TMTC3: variants seen among roughly 807,000 people sequenced by gnomAD.
TMTC3 encodes the protein protein O-mannosyl-transferase TMTC3.
A neutral mutation model predicts 92.2 loss-of-function variants in TMTC3; 52 were observed. The ratio of observed to expected loss-of-function variants is 0.56; its 90% CI spans 0.45 to 0.71. The LOEUF is 0.71. TMTC3 is among the 30% of genes least tolerant of loss of function. TMTC3 has a pLI of 0.00. For missense variants in TMTC3, 896 were observed against 1,057.1 expected (o/e 0.85, Z 2.11); for synonymous variants, 339 against 363.3 (o/e 0.93, Z 0.76).
chr12:88,159,173 A>G (rs2041046442), intron 4 of TMTC3, among the ~76,000 whole-genome samples: 2 of 152,158 alleles, frequency 1.3e-5, no homozygotes, highest in Non-Finnish European at 2.9e-5. Context: ...AAGAAAACTG[A>G]AGCCTGGAAA....
intron 10 of TMTC3, among the ~76,000 whole-genome samples, chr12:88,179,652 G>T (rs376874518): frequency 1.1e-4 from 16 of 152,074 alleles, no homozygotes; most frequent in African/African-American, 3.9e-4. Flanking sequence ...TGACAGTGTG[G>T]CTAGGAGACT....
At chr12:88,143,537 A>T (rs1011997767) in intron 1 of TMTC3, among the ~76,000 whole-genome samples, 6 of 152,224 alleles carry the variant, frequency 3.9e-5, no homozygotes, top group African/African-American at 1.4e-4. Flanking sequence ...TGGCTGGAGG[A>T]CATATTCTTA....
intron 7 of TMTC3, among the ~76,000 whole-genome samples, chr12:88,170,092 T>C (rs1017294121): frequency 6.6e-6 from 1 of 152,200 alleles, no homozygotes; most frequent in Non-Finnish European, 1.5e-5. Flanking sequence ...TTTATGCTAC[T>C]GGAAGAAGGA....
At chr12:88,154,177 A>G (rs1215574254) in intron 3 of TMTC3, 111 bp from the exon 4 acceptor site, 2 of 746,358 alleles carry the variant, frequency 2.7e-6, no homozygotes, top group East Asian at 2.9e-5. Flanking sequence ...TGTTTAAGAA[A>G]CAAATGTGCA....
chr12:88,160,016 C>T, intron 4 of TMTC3, 98 bp from the exon 5 acceptor site: 1 of 692,920 alleles, frequency 1.4e-6, no homozygotes, highest in South Asian at 2.2e-5. Flanking sequence ...TGAGAAATAG[C>T]ACTCATATGG....
At chr12:88,167,202 C>A (rs1036042070) in intron 7 of TMTC3, among the ~76,000 whole-genome samples, 1 of 151,926 alleles carries the variant, frequency 6.6e-6, no homozygotes, top group Non-Finnish European at 1.5e-5. Context: ...TGAGACCAGC[C>A]TGGTCAACCT....
At chr12:88,184,504 A>G (rs375700134) in intron 10 of TMTC3, among the ~76,000 whole-genome samples, 19 of 152,164 alleles carry the variant, frequency 1.2e-4, no homozygotes, top group African/African-American at 4.6e-4. Flanking sequence ...ACTTTTTCTT[A>G]CAACTTTTCC....
At chr12:88,173,850 A>G (rs1339146223) in intron 8 of TMTC3, among the ~76,000 whole-genome samples, 2 of 152,126 alleles carry the variant, frequency 1.3e-5, no homozygotes, top group Non-Finnish European at 2.9e-5. Flanking sequence ...TAGGTTATCC[A>G]AGATCACACA....
At chr12:88,187,300 T>A (rs905694833) in intron 10 of TMTC3, among the ~76,000 whole-genome samples, 1 of 152,206 alleles carries the variant, frequency 6.6e-6, no homozygotes, top group Non-Finnish European at 1.5e-5. Flanking sequence ...CTAATCACTA[T>A]ACTGCATATT....
intron 10 of TMTC3, among the ~76,000 whole-genome samples, chr12:88,181,900 G>T (rs1177081971): frequency 6.6e-6 from 1 of 151,794 alleles, no homozygotes; most frequent in Non-Finnish European, 1.5e-5. Flanking sequence ...GGGTATGGGG[G>T]AGTGAACTAC....
chr12:88,188,171 C>A (rs993910599), intron 10 of TMTC3, among the ~76,000 whole-genome samples: 1 of 152,054 alleles, frequency 6.6e-6, no homozygotes, highest in African/African-American at 2.4e-5. Context: ...TCATTATGTT[C>A]CATTATACTC....
intron 9 of TMTC3, among the ~76,000 whole-genome samples, chr12:88,175,802 A>G (rs1033416902): frequency 1.3e-5 from 2 of 152,208 alleles, no homozygotes; most frequent in African/African-American, 4.8e-5. Flanking sequence ...CAGGTTTTCC[A>G]TTACCATAAT....
chr12:88,195,280 A>G lies in TMTC3; in HGVS notation c.2376A>G (p.Arg792=), dbSNP rs905598447. 1.2e-6 allele frequency: 2 copies of G among 1,613,880 alleles called. No individual in the cohort carries two copies. The highest frequency in any genetic ancestry group is 1.3e-5 in the African/African-American group (1 of 75,038). ...FEEKDLLKAE[R]CLLETLALAP... is the part of the protein sequence containing the mutation. ...AAAAAGACTTATTAAAAGCTGAAAGATGCCTTCTTGAAACACTGGCATTAG... is the reference window on the plus strand; with the variant it reads ...AAAAAGACTTATTAAAAGCTGAAAGGTGCCTTCTTGAAACACTGGCATTAG... Residue 792 remains arginine, a synonymous_variant, in exon 14 of 14, where the codon AGA becomes AGG. Transcript: ENST00000266712.
chr12:88,173,521 G>A (rs1369051967), intron 8 of TMTC3, among the ~76,000 whole-genome samples: 3 of 151,944 alleles, frequency 2.0e-5, no homozygotes, highest in East Asian at 3.9e-4. Flanking sequence ...TATTTCCCTA[G>A]TGTCTGTAAA....
intron 10 of TMTC3, among the ~76,000 whole-genome samples, chr12:88,187,838 C>T (rs1005068118): frequency 2.6e-5 from 4 of 152,116 alleles, no homozygotes; most frequent in Non-Finnish European, 5.9e-5. Flanking sequence ...TATTTTAGTT[C>T]GTGTTGAGTA....
Position 88,174,721 on chromosome 12 carries a change from C to G in TMTC3, c.1314C>G (p.Ala438=), listed in dbSNP as rs940624505. 6 of 1,611,654 alleles carry G rather than the reference C, an allele frequency of 3.7e-6. No individual in the cohort carries two copies. In the Admixed American group the frequency reaches 1.0e-4, roughly 27 times the overall value. Reference sequence around the variant, plus strand: ...CTGAATATACATTGTTTATGTCAGCCTTGAAGGTAAAGTGTTGTTCAGAAT... The same window carrying G: ...CTGAATATACATTGTTTATGTCAGCGTTGAAGGTAAAGTGTTGTTCAGAAT... ...WESEYTLFMS[A]LKVNKNNAKL... The change falls in exon 9 of 14, where the codon GCC becomes GCG. Residue 438 remains alanine (A), a synonymous_variant. Coordinates refer to ENST00000266712, the MANE Select transcript of TMTC3 (RefSeq NM_181783.4).
chr12:88,160,839 C>G lies in TMTC3; in HGVS notation c.785C>G (p.Pro262Arg). The change falls in exon 6 of 14, where the codon CCA becomes CGA. Residue 262 changes from proline (P) to arginine (R), a missense_variant. Transcript: ENST00000266712. ...GTCCAGGTTATTCAATCCCAACTTC[C>G]AGTATTCACCAGGTATGAAATTCTG... The part of the protein sequence containing the change: ...IRVQVIQSQL[P>R]VFTRFDNPAA... 6.3e-7 allele frequency: 1 copy of G among 1,596,634 alleles called. No homozygotes were observed. Among genetic ancestry groups the G allele is most frequent in the Non-Finnish European group, 8.5e-7 (1 of 1,172,584 alleles).
intron 1 of TMTC3, among the ~76,000 whole-genome samples, chr12:88,142,951 A>G (rs918179741): frequency 7.2e-5 from 11 of 152,068 alleles, no homozygotes; most frequent in African/African-American, 2.7e-4. Context: ...CACCTGTACT[A>G]TTGTTGCCAC....
rs769206632 is a variant in TMTC3 at position 88,160,781 on chromosome 12, A to C, written c.727A>C (p.Met243Leu). 6.2e-7 allele frequency: 1 copy of C among 1,613,480 alleles called. No individual in the cohort carries two copies. Among genetic ancestry groups the C allele is most frequent in the African/African-American group, 1.3e-5 (1 of 74,890 alleles). ...LQTLVKLIVLMFSTLLLVVIR... is the reference protein window; with the variant it reads ...LQTLVKLIVLLFSTLLLVVIR... ...GACACTAGTAAAACTCATTGTCTTG[A>C]TGTTCAGTACATTATTACTTGTTGT... Residue 243 changes from methionine (M) to leucine (L), a missense_variant, in exon 6 of 14, where the codon ATG becomes CTG. By Grantham distance (15) the Met-to-Leu change is conservative. Coordinates refer to ENST00000266712, the MANE Select transcript of TMTC3 (RefSeq NM_181783.4).
Sources: gnomAD v4.1 joint callset for allele counts (sites outside exome capture counted in the v4.1 genomes callset) on GRCh38, gnomAD v4.1.1 for gene constraint, MANE v1.5 for transcripts, NCBI Gene and HGNC (gene_info 2026-07-23, HGNC 2026-07-21) for gene names.